Variants in PDE10A observed in about 807,000 individuals in gnomAD.
PDE10A encodes cAMP and cAMP-inhibited cGMP 3',5'-cyclic phosphodiesterase 10A.
A neutral mutation model predicts 97.7 loss-of-function variants in PDE10A; 39 were observed. The ratio of observed to expected loss-of-function variants is 0.40; its 90% confidence interval spans 0.31 to 0.52. PDE10A has a LOEUF of 0.52. Ranked by LOEUF, PDE10A falls within the 20% of genes least tolerant of loss-of-function variation. The probability of loss-of-function intolerance (pLI) is 0.56; values close to 1 mark genes in which losing one functional copy is unlikely to be tolerated. For missense variants in PDE10A, 731 were observed against 1,047.8 expected (o/e 0.70, Z 4.17); for synonymous variants, 371 against 376.8 (o/e 0.98, Z 0.18).
At chr6:165,689,381 T>C (rs1482816250) in intron 1 of PDE10A, among the ~76,000 whole-genome samples, 1 of 152,138 alleles carries the variant, frequency 6.6e-6, no homozygotes, top group Non-Finnish European at 1.5e-5. Flanking sequence ...TAAATGAGGT[T>C]AAATGGAGAA....
At chr6:165,384,631 AGTGTGTGTGTGTGT>A (rs57175607) in intron 17 of PDE10A, among the ~76,000 whole-genome samples, 8 of 67,018 alleles carry the variant, frequency 1.2e-4, no homozygotes, top group Admixed American at 8.0e-4. Flanking sequence ...TGTGTGAGTG[AGTGTGTGTGTGTGT>A]GTGTGTGTGT....
chr6:165,651,977 T>C (rs1789709096), intron 1 of PDE10A, among the ~76,000 whole-genome samples: 1 of 152,202 alleles, frequency 6.6e-6, no homozygotes, highest in South Asian at 2.1e-4. Flanking sequence ...TTGTTAACAC[T>C]TTTCTGTTCT....
chr6:165,792,356 A>G (rs1583096949), intron 1 of PDE10A, among the ~76,000 whole-genome samples: 1 of 152,164 alleles, frequency 6.6e-6, no homozygotes, highest in Non-Finnish European at 1.5e-5. Context: ...GCGGGAAGGA[A>G]CAAAGTTGAT....
chr6:165,880,175 T>C (rs528645930), intron 1 of PDE10A, among the ~76,000 whole-genome samples: 3 of 152,356 alleles, frequency 2.0e-5, no homozygotes, highest in African/African-American at 7.2e-5. Flanking sequence ...TCAGTCCTCC[T>C]AACCACTCTG....
chr6:165,506,621 G>T (rs562989537), intron 2 of PDE10A, among the ~76,000 whole-genome samples: 38 of 152,256 alleles, frequency 2.5e-4, no homozygotes, highest in African/African-American at 8.4e-4. Context: ...TGATTGGAAG[G>T]TACGCAATCT....
rs200468205 is a variant in PDE10A, at chr6:165,806,656, C to CG, written c.-615+180872_-615+180873insC. On this transcript the variant is annotated intron_variant, in intron 1 of 19. Coordinates refer to the PDE10A transcript ENST00000366882. ...TGCATGGCTCTGCTGAGCGCCCCCCCCCAGGCTCTTCTTTAGACTTTGATG... is the reference window on the plus strand; with the variant it reads ...TGCATGGCTCTGCTGAGCGCCCCCCCGCCAGGCTCTTCTTTAGACTTTGATG... Among the ~76,000 whole-genome samples the CG allele has an allele frequency of 3.6e-3, 546 of 151,546 alleles. 5 individuals carry two copies. The highest frequency in any genetic ancestry group is 9.3e-3 in the South Asian group (42 of 4,532).
At chr6:165,648,138 G>A (rs570773345) in intron 1 of PDE10A, among the ~76,000 whole-genome samples, 34 of 152,166 alleles carry the variant, frequency 2.2e-4, no homozygotes, top group Middle Eastern at 6.8e-3. Context: ...TCAGCCTCCC[G>A]AGTAGCTGGG....
chr6:165,653,325 C>T (rs1008983550), intron 1 of PDE10A, among the ~76,000 whole-genome samples: 1 of 152,116 alleles, frequency 6.6e-6, no homozygotes, highest in Non-Finnish European at 1.5e-5. Context: ...GAGACAAACA[C>T]GAAAGCAGAC....
intron 18 of PDE10A, among the ~76,000 whole-genome samples, chr6:165,355,137 G>A (rs995698788): frequency 4.6e-5 from 7 of 151,908 alleles, no homozygotes; most frequent in African/African-American, 1.5e-4. Context: ...TGAGGTAATC[G>A]ACATCTTAAG....
intron 10 of PDE10A, among the ~76,000 whole-genome samples, chr6:165,422,735 C>G (rs1291892770): frequency 3.9e-5 from 6 of 151,956 alleles, no homozygotes; most frequent in Non-Finnish European, 5.9e-5. Flanking sequence ...TAGATAAATT[C>G]AAGGACACAT....
chr6:165,929,029 T>A (rs1412315626), intron 1 of PDE10A, among the ~76,000 whole-genome samples: 1 of 152,162 alleles, frequency 6.6e-6, no homozygotes, highest in Non-Finnish European at 1.5e-5. Context: ...GGCAAGTGAA[T>A]CAGCCTCTTG....
At chr6:165,744,036 C>T (rs1357190126) in intron 1 of PDE10A, among the ~76,000 whole-genome samples, 1 of 152,098 alleles carries the variant, frequency 6.6e-6, no homozygotes, top group Non-Finnish European at 1.5e-5. Flanking sequence ...CCCCCTAATG[C>T]CTCCTTTGTA....
chr6:165,681,083 T>C lies in PDE10A; in HGVS notation c.-614-137515A>G, dbSNP rs751391424. Among the ~76,000 whole-genome samples the C allele has an allele frequency of 6.2e-4, 94 of 152,336 alleles. 2 individuals are homozygous for C. Among genetic ancestry groups the C allele is most frequent in the South Asian group, 6.2e-4 (3 of 4,830 alleles). On this transcript the variant is annotated intron_variant, in intron 1 of 19. Coordinates refer to the PDE10A transcript ENST00000366882. ...GTCCTAGAAAGTATGTATAGGAGAC[T>C]GTCCATCTTATCACAGTATAGACCA... is the stretch of plus-strand genomic sequence containing the variant.
intron 1 of PDE10A, among the ~76,000 whole-genome samples, chr6:165,620,846 C>G (rs934381590): frequency 1.3e-5 from 2 of 151,924 alleles, no homozygotes; most frequent in Admixed American, 6.6e-5. Flanking sequence ...CATGGTGAAA[C>G]CCCGTCTCTA....
chr6:165,882,282 G>A (rs1278014016), intron 1 of PDE10A, among the ~76,000 whole-genome samples: 1 of 152,204 alleles, frequency 6.6e-6, no homozygotes, highest in African/African-American at 2.4e-5. Context: ...CAGCTAGACT[G>A]TGTGTTCCCC....
At chr6:165,932,295 G>A (rs1248344449) in intron 1 of PDE10A, among the ~76,000 whole-genome samples, 2 of 152,094 alleles carry the variant, frequency 1.3e-5, no homozygotes, top group African/African-American at 4.8e-5. Flanking sequence ...AGTTGGAACA[G>A]AATAATAGTG....
chr6:165,633,463 T>TAA (rs899799922), intron 1 of PDE10A, among the ~76,000 whole-genome samples: 5 of 151,948 alleles, frequency 3.3e-5, no homozygotes, highest in African/African-American at 1.2e-4. Flanking sequence ...AAAAAAACTG[T>TAA]AAAACCCCCT....
At chr6:165,683,727 G>C (rs1020496333) in intron 1 of PDE10A, among the ~76,000 whole-genome samples, 4 of 152,178 alleles carry the variant, frequency 2.6e-5, no homozygotes, top group Non-Finnish European at 5.9e-5. Flanking sequence ...TCACACAGGA[G>C]GGCTGGAGAG....
At chr6:165,969,444 G>A (rs536449618) in intron 1 of PDE10A, among the ~76,000 whole-genome samples, 2 of 152,280 alleles carry the variant, frequency 1.3e-5, no homozygotes, top group East Asian at 1.9e-4. Flanking sequence ...TAGCTATAGC[G>A]ATGGAGGAGA....
Sources: allele counts gnomAD v4.1 joint callset (sites outside exome capture counted in the v4.1 genomes callset), GRCh38; gene constraint gnomAD v4.1.1; transcripts MANE v1.5; gene names NCBI Gene and HGNC (gene_info 2026-07-23, HGNC 2026-07-21).